RPS6KC1: variants seen among roughly 807,000 people sequenced by gnomAD.
RPS6KC1 encodes the protein inactive ribosomal protein S6 kinase delta-1.
Under a neutral mutation model 103.8 loss-of-function variants are expected in RPS6KC1, and 54 were observed. The ratio of observed to expected loss-of-function variants is 0.52; its 90% CI spans 0.42 to 0.65. The LOEUF (loss-of-function observed/expected upper bound fraction) is 0.65. Among genes scored for constraint, RPS6KC1 ranks in the 30% least tolerant of loss-of-function variants. The pLI, the probability that RPS6KC1 is intolerant of heterozygous loss-of-function variation, is 0.00. For synonymous variants in RPS6KC1, 439 were observed against 438.7 expected (o/e 1.00, Z -0.01); for missense variants, 1,151 against 1,253.8 (o/e 0.92, Z 1.24).
chr1:213,405,298 C>T, the RPS6KC1 span, among the ~76,000 whole-genome samples: 2 of 152,228 alleles, frequency 1.3e-5, no homozygotes, highest in Admixed American at 1.3e-4. Flanking sequence ...TTCCCTGGCT[C>T]GAATCCGCTG....
intron 12 of RPS6KC1, among the ~76,000 whole-genome samples, chr1:213,251,102 C>CTTTT (rs1235280521): frequency 9.8e-4 from 98 of 100,204 alleles, no homozygotes; most frequent in East Asian, 1.6e-3. Context: ...GGTTTTTCAG[C>CTTTT]TTTTTTTTTT....
chr1:213,854,376 T>A, the RPS6KC1 span, among the ~76,000 whole-genome samples: 1 of 152,226 alleles, frequency 6.6e-6, no homozygotes, highest in Non-Finnish European at 1.5e-5. Context: ...ACTGGCAAAT[T>A]CCCCTGAGTC....
At chr1:213,127,961 T>A (rs1476267267) in intron 5 of RPS6KC1, among the ~76,000 whole-genome samples, 2 of 152,234 alleles carry the variant, frequency 1.3e-5, no homozygotes, top group African/African-American at 4.8e-5. Context: ...GATTTGAATG[T>A]AACAGAAACA....
chr1:213,515,067 G>T, the RPS6KC1 span, among the ~76,000 whole-genome samples: 1 of 152,140 alleles, frequency 6.6e-6, no homozygotes, highest in South Asian at 2.1e-4. Context: ...CCCACTTGTT[G>T]ATAGAGTTGT....
At chr1:213,495,881 G>A in the RPS6KC1 span, among the ~76,000 whole-genome samples, 1 of 151,906 alleles carries the variant, frequency 6.6e-6, no homozygotes, top group Non-Finnish European at 1.5e-5. Flanking sequence ...ATAATACAAG[G>A]TAATCATAAT....
chr1:213,538,659 A>T, the RPS6KC1 span, among the ~76,000 whole-genome samples: 1 of 152,092 alleles, frequency 6.6e-6, no homozygotes, highest in African/African-American at 2.4e-5. Context: ...TGCAGGTAGG[A>T]ATGAGTTTGT....
intron 1 of RPS6KC1, among the ~76,000 whole-genome samples, chr1:213,069,079 A>T (rs2078630331): frequency 6.6e-6 from 1 of 152,074 alleles, no homozygotes; most frequent in Non-Finnish European, 1.5e-5. Context: ...AATTTTTTTG[A>T]ATTAATTTAA....
At chr1:213,405,723 C>T in the RPS6KC1 span, among the ~76,000 whole-genome samples, 7 of 152,186 alleles carry the variant, frequency 4.6e-5, no homozygotes, top group African/African-American at 9.7e-5. Flanking sequence ...GACTGAGGTT[C>T]GGGAGACTTG....
the RPS6KC1 span, among the ~76,000 whole-genome samples, chr1:213,472,390 C>CT: frequency 6.6e-6 from 1 of 152,086 alleles, no homozygotes; most frequent in African/African-American, 2.4e-5. Context: ...ATATATTAAC[C>CT]TTTATTCTTC....
chr1:213,157,931 G>C (rs551874862), intron 6 of RPS6KC1, among the ~76,000 whole-genome samples: 64 of 152,212 alleles, frequency 4.2e-4, no homozygotes, highest in African/African-American at 1.5e-3. Flanking sequence ...ATTATTGTCT[G>C]TGGTAACTTT....
At chr1:213,568,826 C>T in the RPS6KC1 span, among the ~76,000 whole-genome samples, 1 of 152,182 alleles carries the variant, frequency 6.6e-6, no homozygotes, top group African/African-American at 2.4e-5. Context: ...GGGACTAGTG[C>T]TCTATATTCA....
the RPS6KC1 span, among the ~76,000 whole-genome samples, chr1:213,428,509 CCTTCCTTCCTCTTTCTCT>C: frequency 1.6e-5 from 1 of 62,640 alleles, no homozygotes; most frequent in Non-Finnish European, 3.2e-5. Context: ...TTCCTTCCTT[CCTTCCTTCCTCTTTCTCT>C]CTCTCTCTCT....
At chr1:213,847,774 C>T in the RPS6KC1 span, among the ~76,000 whole-genome samples, 293 of 152,238 alleles carry the variant, frequency 1.9e-3, 1 homozygote, top group African/African-American at 6.5e-3. Context: ...TCTCAGAAGA[C>T]GCCATTGTAT....
chr1:213,629,518 G>A, the RPS6KC1 span, among the ~76,000 whole-genome samples: 14 of 152,278 alleles, frequency 9.2e-5, no homozygotes, highest in African/African-American at 3.4e-4. Context: ...GCACACTGAT[G>A]GATCTTGAAT....
chr1:213,143,831 T>A (rs561531673), intron 6 of RPS6KC1, among the ~76,000 whole-genome samples: 33 of 152,036 alleles, frequency 2.2e-4, no homozygotes, highest in African/African-American at 6.0e-4. Context: ...ACCTTTTTTT[T>A]TTTTTTTTTC....
At chr1:213,809,677 A>C in the RPS6KC1 span, among the ~76,000 whole-genome samples, 1 of 152,214 alleles carries the variant, frequency 6.6e-6, no homozygotes, top group African/African-American at 2.4e-5. Flanking sequence ...TACTCATTAC[A>C]ATGTAACCTT....
the RPS6KC1 span, among the ~76,000 whole-genome samples, chr1:213,424,480 G>A: frequency 6.6e-6 from 1 of 152,246 alleles, no homozygotes. Context: ...GAGCATTGGA[G>A]GTTTGTATCT....
chr1:213,530,354 G>A, the RPS6KC1 span, among the ~76,000 whole-genome samples: 1 of 152,156 alleles, frequency 6.6e-6, no homozygotes, highest in Non-Finnish European at 1.5e-5. Flanking sequence ...GAAATGCCTT[G>A]GGCATCTCTG....
intron 5 of RPS6KC1, among the ~76,000 whole-genome samples, chr1:213,125,418 T>C (rs1317219192): frequency 6.6e-6 from 1 of 152,136 alleles, no homozygotes; most frequent in Non-Finnish European, 1.5e-5. Flanking sequence ...ATTTTTGTGA[T>C]GGACAGATGG....
Sources: allele counts gnomAD v4.1 joint callset (sites outside exome capture counted in the v4.1 genomes callset), GRCh38; gene constraint gnomAD v4.1.1; transcripts MANE v1.5; gene names NCBI Gene and HGNC (gene_info 2026-07-23, HGNC 2026-07-21).